The following TCP10L variants were observed in gnomAD, a reference collection of about 807,000 sequenced individuals.
TCP10L encodes the protein t-complex 10 like.
TCP10L carries 11 observed loss-of-function variants against 19.2 expected under a neutral mutation model. That is an observed-to-expected ratio of 0.57 (90% CI 0.36 to 0.95). The LOEUF (loss-of-function observed/expected upper bound fraction) is 0.95. Ranked by LOEUF, TCP10L falls within the 40% of genes least tolerant of loss-of-function variation. The pLI, the probability that TCP10L is intolerant of heterozygous loss-of-function variation, is 0.01. For missense variants in TCP10L, 247 were observed against 263.9 expected (o/e 0.94, Z 0.44); for synonymous variants, 96 against 97.2 (o/e 0.99, Z 0.07).
Position 32,576,465 on chromosome 21 carries a change from G to C in TCP10L, c.*309C>G. On this transcript the variant is annotated 3_prime_UTR_variant, in exon 5 of 5. Transcript: ENST00000300258. ...GACCCCAGGGCTCACCCAACAGCCC[G>C]ACACTCCATACTACAAGGTGGGTTA... The C allele has an allele frequency of 3.1e-6, 2 of 651,418 alleles. No homozygotes were observed. Among genetic ancestry groups the C allele is most frequent in the East Asian group, 2.8e-5 (1 of 36,252 alleles). 40.4% of individuals were successfully genotyped at this position (651,418 alleles called of 1,614,324 possible). A position where few individuals can be genotyped will look rare whatever the true frequency, so the allele number is the denominator to read the frequency against.
At position 32,582,501 on chromosome 21, in the gene TCP10L, T is replaced by C; in HGVS notation, c.145-86A>G. 1 of 1,251,864 alleles carries C rather than the reference T, an allele frequency of 8.0e-7. No individual in the cohort carries two copies. The highest frequency in any genetic ancestry group is 2.3e-5 in the East Asian group (1 of 42,682). The allele number at this position is 1,251,864 out of a possible 1,614,324, so 77.5% of individuals were successfully genotyped here. ...TGCAAAATACTCAAGCCCTCTCTGA[T>C]GTAAGACCAACACTATTTCTGGAAT... On this transcript the variant is annotated intron_variant, in intron 2 of 4. Transcript: ENST00000300258. The surrounding 1 kb of genome is among the most constrained non-coding windows in gnomAD (Gnocchi z 4.2).
Position 32,576,081 on chromosome 21 carries a change from GT to G in TCP10L, c.*692del. On this transcript the variant is annotated 3_prime_UTR_variant, in exon 5 of 5. Coordinates refer to ENST00000300258, the MANE Select transcript of TCP10L (RefSeq NM_144659.7). ...ACCCAACGAGGGAATCAGACAAAAAGTGGCCACAAATTAGGCAGCTCCAGGA... is the reference window on the plus strand; with the variant it reads ...ACCCAACGAGGGAATCAGACAAAAAGGGCCACAAATTAGGCAGCTCCAGGA... 3.8e-6 allele frequency: 2 copies of G among 533,178 alleles called. No homozygotes were observed. Among genetic ancestry groups the G allele is most frequent in the Non-Finnish European group, 6.4e-6 (2 of 312,856 alleles). The allele number at this position is 533,178 out of a possible 1,614,324, so 33.0% of individuals were successfully genotyped here. A position where few individuals can be genotyped will look rare whatever the true frequency, so the allele number is the denominator to read the frequency against.
chr21:32,576,174 C>T lies in TCP10L; in HGVS notation c.*600G>A, dbSNP rs76966667. 3,864 of 1,179,932 alleles carry T rather than the reference C, an allele frequency of 3.3e-3. 97 individuals carry two copies. The African/African-American group carries it at 0.053, about 16-fold the overall frequency. 73.1% of individuals were successfully genotyped at this position (1,179,932 alleles called of 1,614,324 possible). A position where few individuals can be genotyped will look rare whatever the true frequency, so the allele number is the denominator to read the frequency against. On this transcript the variant is annotated 3_prime_UTR_variant, in exon 5 of 5. Coordinates refer to ENST00000300258, the MANE Select transcript of TCP10L (RefSeq NM_144659.7). ...ATCCACGAGAAAGCCCCGCATTTCA[C>T]GGGGAGCATAGAAACAGGAGTCCCC...
At position 32,574,950 on chromosome 21, in the gene TCP10L, G is replaced by A. The variant is rs546078629; in HGVS notation, c.*1824C>T. ...GATGGAAAGGCACTGTCTTGGCCCT[G>A]AAGCTGCTCACAGTCCCGCAGCAGG... On this transcript the variant is annotated 3_prime_UTR_variant, in exon 5 of 5. Coordinates refer to ENST00000300258, the MANE Select transcript of TCP10L (RefSeq NM_144659.7). The A allele has an allele frequency of 6.6e-6, 1 of 152,328 alleles. No individual in the cohort carries two copies. The highest frequency in any genetic ancestry group is 1.9e-4 in the East Asian group (1 of 5,182). The allele number at this position is 152,328 out of a possible 1,614,324, so 9.4% of individuals were successfully genotyped here.
chr21:32,583,576 G>A (rs1041043200), intron 2 of TCP10L, among the ~76,000 whole-genome samples: 6 of 123,696 alleles, frequency 4.9e-5, no homozygotes, highest in South Asian at 2.7e-4. Context: ...GCGACAGAGC[G>A]AGACTCCGTC....
rs2038401490 is a variant in TCP10L, at chr21:32,573,749, G to T, written c.*3025C>A. ...GGACCATGTTTTGTGTTTTATTAAA[G>T]TGGTTATCTCCCACTTATATGTTTG... On this transcript the variant is annotated 3_prime_UTR_variant, in exon 5 of 5. Transcript: ENST00000300258. Among the ~76,000 whole-genome samples the T allele has an allele frequency of 6.6e-6, 1 of 152,170 alleles. No homozygotes were observed. Among genetic ancestry groups the T allele is most frequent in the South Asian group, 2.1e-4 (1 of 4,800 alleles).
At position 32,582,366 on chromosome 21, in the gene TCP10L, TTC is replaced by T; in HGVS notation, c.192_193del (p.Lys65ValfsTer5). On this transcript the variant is annotated frameshift_variant, in exon 3 of 5. Coordinates refer to ENST00000300258, the MANE Select transcript of TCP10L (RefSeq NM_144659.7). LOFTEE classifies it high-confidence loss of function. The surrounding 1 kb of genome is among the most constrained non-coding windows in gnomAD (Gnocchi z 4.2). ...TCCATGAACATCAGCCCACAGAGAC[TTC>T]TGTCTCCCAAGCTCTTGGTGGAGTC... 1 of 1,614,100 alleles carries T rather than the reference TTC, an allele frequency of 6.2e-7. No homozygotes were observed. The highest frequency in any genetic ancestry group is 8.5e-7 in the Non-Finnish European group (1 of 1,180,024).
At position 32,575,535 on chromosome 21, in the gene TCP10L, G is replaced by T. The variant is rs35157623; in HGVS notation, c.*1239C>A. On this transcript the variant is annotated 3_prime_UTR_variant, in exon 5 of 5. Coordinates refer to ENST00000300258, the MANE Select transcript of TCP10L (RefSeq NM_144659.7). ...GAGTCCAGGTGCCAGGCAGCCCAGG[G>T]CGAGTGGTGCCCACAGGCTTGGGCT... 1,207 of 152,862 alleles carry T rather than the reference G, an allele frequency of 7.9e-3. 19 individuals are homozygous for T. Among genetic ancestry groups the T allele is most frequent in the African/African-American group, 0.028 (1,153 of 41,560 alleles). The allele number at this position is 152,862 out of a possible 1,614,324, so 9.5% of individuals were successfully genotyped here. A position where few individuals can be genotyped will look rare whatever the true frequency, so the allele number is the denominator to read the frequency against.
rs1192933029 is a variant in TCP10L, at chr21:32,584,168, TC to T, written c.136del (p.Glu46ArgfsTer34). Reference sequence around the variant, plus strand: ...CCACAGAGCTCAACTCACTGGCATCTCCCCAGTGTTGCAGTCCTCCGTGAGA... The same window carrying T: ...CCACAGAGCTCAACTCACTGGCATCTCCCAGTGTTGCAGTCCTCCGTGAGA... ...EVLTEDCNTG[E>X]MPPLQQQIIR... On this transcript the variant is annotated frameshift_variant, in exon 2 of 5. Transcript: ENST00000300258. LOFTEE classifies it high-confidence loss of function. 4 of 1,612,236 alleles carry T rather than the reference TC, an allele frequency of 2.5e-6. No individual in the cohort carries two copies. The highest frequency in any genetic ancestry group is 2.7e-5 in the African/African-American group (2 of 74,858).
rs3056368 is a variant in TCP10L, at chr21:32,582,579, T to G, written c.145-164A>C. ...CTACCACAGCCTTTTTCTTTCTTCT[T>G]TCTTTCCTTTCTTTCTTTCTTTTCT... On this transcript the variant is annotated intron_variant, in intron 2 of 4. Coordinates refer to ENST00000300258, the MANE Select transcript of TCP10L (RefSeq NM_144659.7). This position sits in a 1 kb window ranked among gnomAD's most constrained non-coding sequence, Gnocchi z 4.2. 99 of 505,240 alleles carry G rather than the reference T, an allele frequency of 2.0e-4. No homozygotes were observed. The highest frequency in any genetic ancestry group is 2.2e-4 in the Non-Finnish European group (67 of 301,852). 31.3% of individuals were successfully genotyped at this position (505,240 alleles called of 1,614,324 possible).
rs1465452075 is a variant in TCP10L at position 32,574,250 on chromosome 21, A to G, written c.*2524T>C. Reference sequence around the variant, plus strand: ...CGTGCCTTCGAGTCTATTAATGTCAATTGAGAACTGTAAATCAAAATGATA... The same window carrying G: ...CGTGCCTTCGAGTCTATTAATGTCAGTTGAGAACTGTAAATCAAAATGATA... On this transcript the variant is annotated 3_prime_UTR_variant, in exon 5 of 5. Transcript: ENST00000300258. 6.6e-6 allele frequency: 1 copy of G among 152,232 alleles called. No homozygotes were observed. The highest frequency in any genetic ancestry group is 1.5e-5 in the Non-Finnish European group (1 of 68,038). 9.4% of individuals were successfully genotyped at this position (152,232 alleles called of 1,614,324 possible). A position where few individuals can be genotyped will look rare whatever the true frequency, so the allele number is the denominator to read the frequency against.
chr21:32,579,507 C>G (rs181391194), intron 3 of TCP10L, among the ~76,000 whole-genome samples: 431 of 152,296 alleles, frequency 2.8e-3, no homozygotes, highest in Non-Finnish European at 4.7e-3. Flanking sequence ...GATACACCTT[C>G]GCATATTTAA....
chr21:32,584,372 GAAGGCCCC>G (rs2038534985), intron 1 of TCP10L, 67 bp from the exon 2 acceptor site: 1 of 1,545,178 alleles, frequency 6.5e-7, no homozygotes, highest in Non-Finnish European at 8.7e-7. Context: ...AGTGTGGGCT[GAAGGCCCC>G]AGCCCCAAAC....
At position 32,576,281 on chromosome 21, in the gene TCP10L, T is replaced by C; in HGVS notation, c.*493A>G. 1 of 1,575,850 alleles carries C rather than the reference T, an allele frequency of 6.3e-7. No individual in the cohort carries two copies. The highest frequency in any genetic ancestry group is 1.7e-5 in the Admixed American group (1 of 58,696). ...TGGGAAGCCTGCACTGGTGATTTTC[T>C]GCCACTCAAGTTTTGCAGACTTCGG... On this transcript the variant is annotated 3_prime_UTR_variant, in exon 5 of 5. Coordinates refer to ENST00000300258, the MANE Select transcript of TCP10L (RefSeq NM_144659.7).
rs1568979900 is a variant in TCP10L at position 32,578,794 on chromosome 21, G to A, written c.398C>T (p.Ser133Leu). The A allele has an allele frequency of 6.2e-7, 1 of 1,614,188 alleles. No individual in the cohort carries two copies. The highest frequency in any genetic ancestry group is 8.5e-7 in the Non-Finnish European group (1 of 1,180,040). ...EPAFGKISPL[S>L]ADEETIPKYA... ...TTTGGGTATTGTCTCTTCATCAGCT[G>A]ACAGAGGTGAAATTTTTCCAAAAGC... Residue 133 changes from serine to leucine, a missense_variant, in exon 4 of 5, where the codon TCA becomes TTA. Transcript: ENST00000300258. The surrounding 1 kb of genome is among the most constrained non-coding windows in gnomAD (Gnocchi z 4.2).
intron 1 of TCP10L, among the ~76,000 whole-genome samples, chr21:32,585,009 C>G (rs1040154904): frequency 1.3e-5 from 2 of 152,306 alleles, no homozygotes; most frequent in South Asian, 4.1e-4. Context: ...CCTGCAGGGT[C>G]GTCTCTGAAA....
Position 32,578,351 on chromosome 21 carries a change from A to G in TCP10L, c.498+343T>C, listed in dbSNP as rs1207151027. ...GGAGCACGGGAGGCTGCGAGCCCTC[A>G]GACTCACGGGTGGAGACAGTGCCAC... On this transcript the variant is annotated intron_variant, in intron 4 of 4. Transcript: ENST00000300258. The surrounding 1 kb of genome is among the most constrained non-coding windows in gnomAD (Gnocchi z 4.2). Among the ~76,000 whole-genome samples, 1 of 152,262 alleles carries G rather than the reference A, an allele frequency of 6.6e-6. No individual in the cohort carries two copies. Among genetic ancestry groups the G allele is most frequent in the East Asian group, 1.9e-4 (1 of 5,202 alleles).
chr21:32,578,474 G>A lies in TCP10L; in HGVS notation c.498+220C>T, dbSNP rs1225146799. Among the ~76,000 whole-genome samples, 1 of 152,254 alleles carries A rather than the reference G, an allele frequency of 6.6e-6. No homozygotes were observed. The highest frequency in any genetic ancestry group is 1.5e-5 in the Non-Finnish European group (1 of 68,040). On this transcript the variant is annotated intron_variant, in intron 4 of 4. Transcript: ENST00000300258. The surrounding 1 kb of genome is among the most constrained non-coding windows in gnomAD (Gnocchi z 4.2). ...CTGCTGTGAGTGTACTCAGAGGGAA[G>A]CAGCCGGGAGGACTTGGAATCTGCT...
In TCP10L at chr21:32,578,951, C is replaced by T. The variant is rs2038463831; in HGVS notation, c.361-120G>A. On this transcript the variant is annotated intron_variant, in intron 3 of 4. Coordinates refer to ENST00000300258, the MANE Select transcript of TCP10L (RefSeq NM_144659.7). This position sits in a 1 kb window ranked among gnomAD's most constrained non-coding sequence, Gnocchi z 4.2. ...AAAAATAGGGTACAAGGTAGGGGGA[C>T]TTGGACTGGGTTTTCCCCCTAATAT... 4.0e-6 allele frequency: 6 copies of T among 1,494,530 alleles called. No individual in the cohort carries two copies. In the South Asian group the frequency reaches 8.0e-5, roughly 20 times the overall value. The allele number at this position is 1,494,530 out of a possible 1,614,324, so 92.6% of individuals were successfully genotyped here.
Sources: allele counts gnomAD v4.1 joint callset (sites outside exome capture counted in the v4.1 genomes callset), GRCh38; gene constraint gnomAD v4.1.1; non-coding constraint Gnocchi (gnomAD v3.1); transcripts MANE v1.5; gene names NCBI Gene and HGNC (gene_info 2026-07-23, HGNC 2026-07-21).